Variants in TGM7 observed in about 807,000 individuals in gnomAD.
The protein encoded by TGM7 is protein-glutamine gamma-glutamyltransferase Z.
In TGM7, 74 loss-of-function variants were observed where a neutral mutation model predicts 79.5. The observed-to-expected ratio is 0.93, with a 90% CI of 0.77 to 1.13. TGM7 has a LOEUF of 1.13. Among genes scored for constraint, TGM7 ranks in the 50% most tolerant of loss-of-function variants. The pLI is 0.00. For synonymous variants in TGM7, 354 were observed against 362.5 expected (o/e 0.98, Z 0.27); for missense variants, 912 against 905.9 (o/e 1.01, Z -0.09).
intron 1 of TGM7, among the ~76,000 whole-genome samples, chr15:43,298,541 G>T (rs2043011345): frequency 6.6e-6 from 1 of 152,182 alleles, no homozygotes; most frequent in African/African-American, 2.4e-5. Context: ...CGGATCACAA[G>T]GTCGAGATCG....
At chr15:43,290,496 C>T (rs1156563834) in intron 4 of TGM7, among the ~76,000 whole-genome samples, 40 of 152,080 alleles carry the variant, frequency 2.6e-4, no homozygotes, top group Admixed American at 5.9e-4. Context: ...AGTCAGGTAG[C>T]GTGATGCCTC....
chr15:43,276,440 G>A lies in TGM7; in HGVS notation c.*15C>T. 6.2e-7 allele frequency: 1 copy of A among 1,606,978 alleles called. No individual in the cohort carries two copies. On this transcript the variant is annotated 3_prime_UTR_variant, in exon 13 of 13. Coordinates refer to ENST00000452443, the MANE Select transcript of TGM7 (RefSeq NM_052955.3). ...TGGGGCAGGGGTGCCAGGGAGGGCAGCTGGAGGGCGGGTCTCAGGGAGCCC... is the reference window on the plus strand; with the variant it reads ...TGGGGCAGGGGTGCCAGGGAGGGCAACTGGAGGGCGGGTCTCAGGGAGCCC...
intron 9 of TGM7, among the ~76,000 whole-genome samples, chr15:43,280,292 C>T (rs2042901410): frequency 6.6e-6 from 1 of 152,144 alleles, no homozygotes; most frequent in Admixed American, 6.5e-5. Flanking sequence ...CTCTCCCCTA[C>T]CAGCATCCCT....
At chr15:43,292,978 C>T in intron 2 of TGM7, 24 bp from the exon 3 acceptor site, 4 of 1,609,230 alleles carry the variant, frequency 2.5e-6, no homozygotes, top group Non-Finnish European at 3.4e-6. Flanking sequence ...AATGACCCCA[C>T]AGTGAGGCTC....
At chr15:43,301,278 C>T (rs1218302699) in intron 1 of TGM7, among the ~76,000 whole-genome samples, 1 of 151,934 alleles carries the variant, frequency 6.6e-6, no homozygotes, top group Admixed American at 6.5e-5. Context: ...CCACCACGCC[C>T]AGTGTGAGAC....
intron 8 of TGM7, 82 bp downstream of exon 8, chr15:43,282,435 C>G: frequency 8.0e-7 from 1 of 1,254,940 alleles, no homozygotes; most frequent in Admixed American, 2.0e-5. Flanking sequence ...CGCTGCTCCT[C>G]CCTGGTCTCC....
At chr15:43,282,650 C>G in intron 7 of TGM7, 30 bp from the exon 8 acceptor site, 1 of 1,552,636 alleles carries the variant, frequency 6.4e-7, no homozygotes, top group South Asian at 1.2e-5. Context: ...GACAAGGATT[C>G]ATGTTAGCTG....
chr15:43,277,623 G>A (rs549996505), intron 11 of TGM7, among the ~76,000 whole-genome samples: 2 of 152,322 alleles, frequency 1.3e-5, no homozygotes, highest in South Asian at 2.1e-4. Flanking sequence ...GCTGTGTCAC[G>A]GGGCAGCACA....
At chr15:43,300,510 CATA>C (rs1297174579) in intron 1 of TGM7, among the ~76,000 whole-genome samples, 7 of 152,156 alleles carry the variant, frequency 4.6e-5, no homozygotes, top group African/African-American at 1.7e-4. Context: ...CAAATGAAAA[CATA>C]ATGAAAGGCC....
intron 9 of TGM7, 62 bp downstream of exon 9, chr15:43,281,782 C>G (rs910686427): frequency 1.9e-6 from 3 of 1,586,268 alleles, no homozygotes; most frequent in Non-Finnish European, 2.6e-6. Context: ...TGGAGCCATC[C>G]CAGCTAGGAA....
chr15:43,298,494 C>T (rs913037504), intron 1 of TGM7, among the ~76,000 whole-genome samples: 3 of 152,190 alleles, frequency 2.0e-5, no homozygotes, highest in Non-Finnish European at 1.5e-5. Flanking sequence ...CGGTGGCTCA[C>T]GCCTGTAATC....
At chr15:43,280,522 G>T (rs1277625569) in intron 9 of TGM7, among the ~76,000 whole-genome samples, 1 of 152,080 alleles carries the variant, frequency 6.6e-6, no homozygotes, top group East Asian at 1.9e-4. Context: ...ATTCAGGAGG[G>T]TGAGGCAGGA....
At chr15:43,297,675 T>C (rs1445319963) in intron 1 of TGM7, among the ~76,000 whole-genome samples, 1 of 150,812 alleles carries the variant, frequency 6.6e-6, no homozygotes. Flanking sequence ...GCCATCTGCA[T>C]GTGATGAGCT....
chr15:43,293,504 G>A lies in TGM7; in HGVS notation c.138C>T (p.Ser46=), dbSNP rs766564567. ...RRGQPFYLRL[S]FSRPFQSQND... ...TCTGGGACTGGAAGGGTCGGCTGAA[G>A]CTCAGCCGGAGGTAGAAGGGCTGGC... Residue 46 remains serine, a synonymous_variant, in exon 2 of 13, where the codon AGC becomes AGT. Transcript: ENST00000452443. 3 of 1,611,670 alleles carry A rather than the reference G, an allele frequency of 1.9e-6. No homozygotes were observed. In the East Asian group the frequency reaches 6.7e-5, roughly 36 times the overall value.
chr15:43,298,785 G>T (rs2043012687), intron 1 of TGM7, among the ~76,000 whole-genome samples: 1 of 152,058 alleles, frequency 6.6e-6, no homozygotes, highest in African/African-American at 2.4e-5. Context: ...AAAAATAAAA[G>T]AAAGCCTTAA....
At chr15:43,280,395 G>T (rs575401759) in intron 9 of TGM7, among the ~76,000 whole-genome samples, 1 of 152,298 alleles carries the variant, frequency 6.6e-6, no homozygotes, top group South Asian at 2.1e-4. Context: ...AGGTTGAGAT[G>T]GGTGGATCGC....
rs751096135 is a variant in TGM7 at position 43,276,903 on chromosome 15, C to T, written c.1932G>A (p.Val644=). The part of the protein sequence containing the change: ...LMVALSSCTM[V]LEGSGLINGQ... ...CATTGATGAGGCCGCTTCCTTCCAG[C>T]ACCATCGTGCAGCTGCTCAGAGCCA... Residue 644 remains valine, a synonymous_variant, in exon 12 of 13, where the codon GTG becomes GTA. Transcript: ENST00000452443. 3.1e-6 allele frequency: 5 copies of T among 1,614,080 alleles called. No homozygotes were observed. The highest frequency in any genetic ancestry group is 1.3e-5 in the African/African-American group (1 of 74,944).
Position 43,293,614 on chromosome 15 carries a change from C to G in TGM7, c.28G>C (p.Glu10Gln). ...CTGGAGCTCTGCAGGTCGACAGACTCAAGCCGCAAGGTTGCCACTAGGGGA... is the reference window on the plus strand; with the variant it reads ...CTGGAGCTCTGCAGGTCGACAGACTGAAGCCGCAAGGTTGCCACTAGGGGA... MDQVATLRL[E>Q]SVDLQSSRNN... The change falls in exon 2 of 13, where the codon GAG (glutamate) becomes CAG (glutamine). Residue 10 changes from glutamate (E) to glutamine (Q), a missense_variant. By Grantham distance (29) the Glu-to-Gln change is conservative. Transcript: ENST00000452443. The G allele has an allele frequency of 6.2e-7, 1 of 1,604,996 alleles. No homozygotes were observed. Among genetic ancestry groups the G allele is most frequent in the East Asian group, 2.2e-5 (1 of 44,608 alleles).
intron 7 of TGM7, among the ~76,000 whole-genome samples, chr15:43,283,353 C>T (rs1379800507): frequency 6.6e-6 from 1 of 152,178 alleles, no homozygotes; most frequent in Non-Finnish European, 1.5e-5. Context: ...TACGCGATGC[C>T]GTCTGTGATC....
Sources: gnomAD v4.1 joint callset for allele counts (sites outside exome capture counted in the v4.1 genomes callset) on GRCh38, gnomAD v4.1.1 for gene constraint, MANE v1.5 for transcripts, NCBI Gene and HGNC (gene_info 2026-07-23, HGNC 2026-07-21) for gene names.